TRIM24: variants seen among roughly 807,000 people sequenced by gnomAD.
TRIM24 encodes tripartite motif containing 24.
A neutral mutation model predicts 123.9 loss-of-function variants in TRIM24; 29 were observed. That is an observed-to-expected ratio of 0.23 (90% CI 0.17 to 0.32). The LOEUF (loss-of-function observed/expected upper bound fraction) is 0.32. Ranked by LOEUF, TRIM24 falls within the 10% of genes least tolerant of loss-of-function variation. The pLI is 1.00. For missense variants in TRIM24, 932 were observed against 1,295.3 expected, an observed-to-expected ratio of 0.72 and a Z score of 4.31; for synonymous variants, 456 against 461.1, an observed-to-expected ratio of 0.99 and a Z score of 0.14.
intron 1 of TRIM24, among the ~76,000 whole-genome samples, chr7:138,502,666 T>C (rs1402794902): frequency 3.3e-5 from 5 of 152,204 alleles, no homozygotes; most frequent in Non-Finnish European, 2.9e-5. Flanking sequence ...TCTAGAGTTC[T>C]TAGCTGTGTG....
At chr7:138,490,489 G>A in intron 1 of TRIM24, 1 of 171,658 alleles carries the variant, frequency 5.8e-6, no homozygotes, top group Non-Finnish European at 1.2e-5. Flanking sequence ...CATTAAGCAA[G>A]AACTCCTCCC....
Position 138,586,889 on chromosome 7 carries a change from C to T in TRIM24, c.*1938C>T, listed in dbSNP as rs778812000. ...CAAAAGGGAGTTAGAACTTGTGAGA[C>T]TAAAACTATAATTTCCTAAATGTGA... On this transcript the variant is annotated 3_prime_UTR_variant, in exon 19 of 19. Transcript: ENST00000343526. The T allele has an allele frequency of 7.9e-5, 12 of 152,192 alleles. No individual in the cohort carries two copies. The highest frequency in any genetic ancestry group is 1.6e-4 in the Non-Finnish European group (11 of 68,032). 9.4% of individuals were successfully genotyped at this position (152,192 alleles called of 1,614,324 possible). A position where few individuals can be genotyped will look rare whatever the true frequency, so the allele number is the denominator to read the frequency against.
intron 7 of TRIM24, 87 bp downstream of exon 7, chr7:138,538,890 G>A: frequency 8.2e-7 from 1 of 1,225,930 alleles, no homozygotes; most frequent in Non-Finnish European, 1.1e-6. Flanking sequence ...TATTCTGCTT[G>A]TGCATCAGTG....
At chr7:138,516,962 C>T (rs527419840) in intron 3 of TRIM24, among the ~76,000 whole-genome samples, 5 of 151,708 alleles carry the variant, frequency 3.3e-5, no homozygotes, top group African/African-American at 9.7e-5. Flanking sequence ...ATTAGCTGGG[C>T]GTGATAGTTA....
intron 14 of TRIM24, 131 bp downstream of exon 14, chr7:138,577,719 T>A: frequency 1.3e-6 from 1 of 764,816 alleles, no homozygotes; most frequent in Non-Finnish European, 1.8e-6. Context: ...AGGGAATCTC[T>A]CAGTAAATTA....
chr7:138,581,889 TTAA>T (rs1440179826), intron 17 of TRIM24, 118 bp downstream of exon 17: 5 of 745,374 alleles, frequency 6.7e-6, no homozygotes, highest in Admixed American at 2.8e-5. Flanking sequence ...ACCTTAAATC[TTAA>T]TAATACATAC....
chr7:138,477,030 A>AT (rs2116468855), intron 1 of TRIM24, among the ~76,000 whole-genome samples: 1 of 144,554 alleles, frequency 6.9e-6, no homozygotes, highest in African/African-American at 2.6e-5. Context: ...GTGCAGAAGA[A>AT]TGAGTATTAT....
chr7:138,571,766 G>GC (rs1797661767), intron 11 of TRIM24, among the ~76,000 whole-genome samples: 2 of 152,010 alleles, frequency 1.3e-5, no homozygotes, highest in Admixed American at 1.3e-4. Context: ...TGGGGGAGAC[G>GC]CCCTATGTTA....
At chr7:138,583,583 G>A (rs1322583427) in intron 17 of TRIM24, among the ~76,000 whole-genome samples, 1 of 152,206 alleles carries the variant, frequency 6.6e-6, no homozygotes, top group Non-Finnish European at 1.5e-5. Context: ...TTGTGTCACT[G>A]CACTCCAGCC....
intron 7 of TRIM24, chr7:138,545,452 A>G (rs1797084201): frequency 2.2e-6 from 1 of 456,868 alleles, no homozygotes; most frequent in Admixed American, 2.3e-5. Context: ...TATTGAAGGT[A>G]ATCGCAGCCA....
intron 6 of TRIM24, among the ~76,000 whole-genome samples, chr7:138,530,174 C>T (rs1796699570): frequency 6.6e-6 from 1 of 151,270 alleles, no homozygotes; most frequent in Non-Finnish European, 1.5e-5. Flanking sequence ...GTATTCTGGG[C>T]AGGAACAATC....
intron 9 of TRIM24, among the ~76,000 whole-genome samples, chr7:138,558,933 A>G (rs111228475): frequency 0.018 from 2,779 of 152,332 alleles, 71 homozygotes; most frequent in African/African-American, 0.061. Flanking sequence ...AACGGGGCAC[A>G]CATTTTTGCT....
At chr7:138,557,319 A>C (rs1489031969) in intron 9 of TRIM24, among the ~76,000 whole-genome samples, 2 of 152,152 alleles carry the variant, frequency 1.3e-5, no homozygotes, top group Admixed American at 6.5e-5. Flanking sequence ...CTGTAAATGA[A>C]GTTTAATGGA....
In TRIM24 at chr7:138,585,492, G is replaced by A. The variant is rs927104841; in HGVS notation, c.*541G>A. ...AGAGTTCCATCCCAGGAGGCCAAAC[G>A]GTGCAACAGAAGGGTAGGTTAGATG... is the stretch of plus-strand genomic sequence containing the variant. On this transcript the variant is annotated 3_prime_UTR_variant, in exon 19 of 19. Coordinates refer to ENST00000343526, the MANE Select transcript of TRIM24 (RefSeq NM_015905.3). 3 of 302,572 alleles carry A rather than the reference G, an allele frequency of 9.9e-6. No individual in the cohort carries two copies. The highest frequency in any genetic ancestry group is 3.9e-5 in the South Asian group (1 of 25,352). 18.7% of individuals were successfully genotyped at this position (302,572 alleles called of 1,614,324 possible).
At chr7:138,474,316 G>A (rs1584685914) in intron 1 of TRIM24, among the ~76,000 whole-genome samples, 1 of 151,550 alleles carries the variant, frequency 6.6e-6, no homozygotes, top group Non-Finnish European at 1.5e-5. Context: ...TAGTAGAGAC[G>A]GGGTTTCACC....
At chr7:138,467,200 T>C (rs1467240721) in intron 1 of TRIM24, among the ~76,000 whole-genome samples, 1 of 152,264 alleles carries the variant, frequency 6.6e-6, no homozygotes, top group Non-Finnish European at 1.5e-5. Context: ...AAAATTCTTA[T>C]GATTCTTTGA....
intron 4 of TRIM24, 91 bp downstream of exon 4, chr7:138,519,412 A>C: frequency 6.9e-7 from 1 of 1,452,016 alleles, no homozygotes; most frequent in Non-Finnish European, 9.3e-7. Context: ...GGCAGTCTGC[A>C]AATAGGTTTT....
intron 9 of TRIM24, 102 bp downstream of exon 9, chr7:138,555,068 C>T: frequency 8.1e-7 from 1 of 1,233,308 alleles, no homozygotes; most frequent in Non-Finnish European, 1.1e-6. Flanking sequence ...CTCTAAATAT[C>T]TGCATTTATA....
At chr7:138,524,577 T>C (rs1796571451) in intron 4 of TRIM24, among the ~76,000 whole-genome samples, 1 of 152,160 alleles carries the variant, frequency 6.6e-6, no homozygotes, top group Admixed American at 6.5e-5. Context: ...ATACTGTATT[T>C]TGTACATTTT....
Sources: gnomAD v4.1 joint callset for allele counts (sites outside exome capture counted in the v4.1 genomes callset) on GRCh38, gnomAD v4.1.1 for gene constraint, MANE v1.5 for transcripts, NCBI Gene and HGNC (gene_info 2026-07-23, HGNC 2026-07-21) for gene names.